Variants in STK39 observed in about 807,000 individuals in gnomAD.
STK39 encodes serine/threonine kinase 39.
A neutral mutation model predicts 77.8 loss-of-function variants in STK39; 20 were observed. The observed-to-expected ratio is 0.26, with a 90% CI of 0.18 to 0.37. STK39 has a LOEUF of 0.37. STK39 is among the 10% of genes least tolerant of loss of function. STK39 has a pLI of 1.00. For synonymous variants in STK39, 246 were observed against 234.1 expected (o/e 1.05, Z -0.47); for missense variants, 479 against 656.5 (o/e 0.73, Z 2.95).
chr2:168,074,947 A>G (rs771046799), intron 12 of STK39, 35 bp downstream of exon 12: 7 of 1,608,568 alleles, frequency 4.4e-6, no homozygotes, highest in Non-Finnish European at 5.9e-6. Context: ...AAAGGAATGA[A>G]ATGGCAAAAT....
At chr2:168,155,549 T>G (rs1688404226) in intron 5 of STK39, among the ~76,000 whole-genome samples, 1 of 151,984 alleles carries the variant, frequency 6.6e-6, no homozygotes, top group East Asian at 1.9e-4. Flanking sequence ...CGGTTCACTA[T>G]AAAGCACTTG....
At chr2:168,136,400 G>A (rs1042440625) in intron 8 of STK39, among the ~76,000 whole-genome samples, 3 of 151,020 alleles carry the variant, frequency 2.0e-5, no homozygotes, top group South Asian at 2.1e-4. Context: ...AAATAAAAAG[G>A]GTTTGTTAAA....
At chr2:168,054,852 T>A (rs1006902229) in intron 14 of STK39, among the ~76,000 whole-genome samples, 5 of 151,940 alleles carry the variant, frequency 3.3e-5, no homozygotes, top group Non-Finnish European at 5.9e-5. Context: ...AAAGATAACA[T>A]CTAAACAAAA....
intron 10 of STK39, among the ~76,000 whole-genome samples, chr2:168,123,376 T>C (rs1559108287): frequency 1.3e-5 from 2 of 152,230 alleles, no homozygotes; most frequent in Non-Finnish European, 2.9e-5. Context: ...TTCCTAATTT[T>C]GAAAACTGTA....
chr2:168,064,211 G>C (rs1685737425), intron 13 of STK39, among the ~76,000 whole-genome samples: 1 of 152,156 alleles, frequency 6.6e-6, no homozygotes, highest in Admixed American at 6.5e-5. Flanking sequence ...AAAGGTTGCA[G>C]GGAGAATAAA....
At chr2:168,095,627 T>TTTTC (rs1559094649) in intron 10 of STK39, among the ~76,000 whole-genome samples, 1 of 146,640 alleles carries the variant, frequency 6.8e-6, no homozygotes, top group African/African-American at 2.5e-5. Flanking sequence ...CTCTTTCTTT[T>TTTTC]TTTTTTTTTT....
intron 14 of STK39, among the ~76,000 whole-genome samples, chr2:168,018,878 GAT>G (rs1207370255): frequency 6.6e-6 from 1 of 152,054 alleles, no homozygotes; most frequent in Non-Finnish European, 1.5e-5. Context: ...GGCCCACAAG[GAT>G]ACACAGGGCA....
intron 1 of STK39, among the ~76,000 whole-genome samples, chr2:168,222,578 T>C (rs1690202755): frequency 6.6e-6 from 1 of 152,200 alleles, no homozygotes; most frequent in Admixed American, 6.5e-5. Context: ...TTTAAGTGCT[T>C]AAGCTACCAT....
intron 5 of STK39, among the ~76,000 whole-genome samples, chr2:168,145,237 G>T (rs1688105463): frequency 6.6e-6 from 1 of 152,146 alleles, no homozygotes; most frequent in African/African-American, 2.4e-5. Flanking sequence ...ACAGCTGCAA[G>T]GGTCAAAAAC....
intron 16 of STK39, among the ~76,000 whole-genome samples, chr2:167,999,777 A>G (rs1683948492): frequency 1.3e-5 from 2 of 152,114 alleles, no homozygotes; most frequent in South Asian, 2.1e-4. Flanking sequence ...TGCTTGCTTT[A>G]TTTATTGAAT....
intron 10 of STK39, among the ~76,000 whole-genome samples, chr2:168,127,684 T>G (rs1406073245): frequency 1.3e-5 from 2 of 152,328 alleles, no homozygotes; most frequent in African/African-American, 4.8e-5. Context: ...ATTTTTTCAT[T>G]TATTTGCTCT....
At position 167,966,723 on chromosome 2, in the gene STK39, C is replaced by A. The variant is rs557328515; in HGVS notation, c.1499-1997G>T. Among the ~76,000 whole-genome samples, 26 of 152,254 alleles carry A rather than the reference C, an allele frequency of 1.7e-4. No homozygotes were observed. The East Asian group carries it at 4.8e-3, about 28-fold the overall frequency. On this transcript the variant is annotated intron_variant, in intron 16 of 17. Transcript: ENST00000355999. Reference sequence around the variant, plus strand: ...AAACAATCATCCCAGAAACCACACTCCCCAGTTGTGAATCTCACACCTCTG... The same window carrying A: ...AAACAATCATCCCAGAAACCACACTACCCAGTTGTGAATCTCACACCTCTG...
chr2:168,093,936 CACAA>C (rs1223152478), intron 10 of STK39, among the ~76,000 whole-genome samples: 1 of 152,230 alleles, frequency 6.6e-6, no homozygotes, highest in African/African-American at 2.4e-5. Flanking sequence ...ATTTCAATCA[CACAA>C]ACAATTACTC....
intron 14 of STK39, among the ~76,000 whole-genome samples, chr2:168,026,432 T>C (rs1397888935): frequency 6.6e-6 from 1 of 152,192 alleles, no homozygotes; most frequent in East Asian, 1.9e-4. Flanking sequence ...GTGAAGAAAC[T>C]GAAGCCAAGG....
At chr2:167,996,751 G>A (rs1055893838) in intron 16 of STK39, among the ~76,000 whole-genome samples, 2 of 152,064 alleles carry the variant, frequency 1.3e-5, no homozygotes, top group Non-Finnish European at 2.9e-5. Flanking sequence ...GAAACTGGTG[G>A]AGATTCTTGT....
chr2:167,981,473 C>A (rs1683415599), intron 16 of STK39, among the ~76,000 whole-genome samples: 1 of 152,084 alleles, frequency 6.6e-6, no homozygotes, highest in Non-Finnish European at 1.5e-5. Flanking sequence ...GTTTCTCTAA[C>A]AAGGTAAAAT....
intron 15 of STK39, among the ~76,000 whole-genome samples, chr2:168,016,334 G>A (rs1684401516): frequency 7.5e-6 from 1 of 133,212 alleles, no homozygotes; most frequent in African/African-American, 2.8e-5. Context: ...GGACCAATAA[G>A]CCTATGGCCA....
At chr2:168,126,974 G>C (rs934313084) in intron 10 of STK39, among the ~76,000 whole-genome samples, 1 of 152,126 alleles carries the variant, frequency 6.6e-6, no homozygotes, top group South Asian at 2.1e-4. Context: ...CATTTGAAGG[G>C]ATGGATGATG....
intron 1 of STK39, among the ~76,000 whole-genome samples, chr2:168,239,737 A>C (rs1690710479): frequency 6.6e-6 from 1 of 152,216 alleles, no homozygotes; most frequent in Non-Finnish European, 1.5e-5. Context: ...GGGTAGGGAG[A>C]TGAGAGACCC....
Sources: gnomAD v4.1 joint callset for allele counts (sites outside exome capture counted in the v4.1 genomes callset) on GRCh38, gnomAD v4.1.1 for gene constraint, MANE v1.5 for transcripts, NCBI Gene and HGNC (gene_info 2026-07-23, HGNC 2026-07-21) for gene names.